Variants in PARD3B observed in about 807,000 individuals in gnomAD.
PARD3B encodes partitioning defective 3 homolog B.
Under a neutral mutation model 130.2 loss-of-function variants are expected in PARD3B, and 103 were observed. The ratio of observed to expected loss-of-function variants is 0.79; its 90% CI spans 0.67 to 0.93. The LOEUF is 0.93. PARD3B is among the 40% of genes least tolerant of loss of function. The pLI, the probability that PARD3B is intolerant of heterozygous loss-of-function variation, is 0.00. For missense variants in PARD3B, 1,609 were observed against 1,499.2 expected (o/e 1.07, Z -1.21); for synonymous variants, 583 against 553.2 (o/e 1.05, Z -0.76).
At position 205,432,915 on chromosome 2, in the gene PARD3B, A is replaced by G. The variant is rs1041345229; in HGVS notation, c.2742-7455A>G. ...CCAGCCTTTGATGTTGACAATACAA[A>G]TCATTCTTATTGATTCATAAATACC... On this transcript the variant is annotated intron_variant, in intron 19 of 22. Coordinates refer to ENST00000406610, the MANE Select transcript of PARD3B (RefSeq NM_001302769.2). Among the ~76,000 whole-genome samples, 3 of 152,306 alleles carry G rather than the reference A, an allele frequency of 2.0e-5. No individual in the cohort carries two copies. The East Asian group carries it at 5.8e-4, about 29-fold the overall frequency.
chr2:205,050,265 A>G (rs930642560), intron 4 of PARD3B, among the ~76,000 whole-genome samples: 4 of 151,446 alleles, frequency 2.6e-5, no homozygotes, highest in African/African-American at 9.7e-5. Context: ...CCCAAAGAGC[A>G]TCTACCAGGG....
intron 1 of PARD3B, among the ~76,000 whole-genome samples, chr2:204,631,597 G>A (rs1193770659): frequency 6.6e-6 from 1 of 152,140 alleles, no homozygotes; most frequent in Non-Finnish European, 1.5e-5. Flanking sequence ...TAATTGAGGC[G>A]TTTAGCCCAT....
intron 3 of PARD3B, among the ~76,000 whole-genome samples, chr2:204,996,571 G>GAGGC (rs1262773360): frequency 2.6e-5 from 4 of 151,682 alleles, no homozygotes; most frequent in Non-Finnish European, 4.4e-5. Flanking sequence ...GGAGCCTACA[G>GAGGC]AGGCAGGCAG....
rs1440912081 is a variant in PARD3B, at chr2:205,160,977, A to G, written c.1620+2070A>G. On this transcript the variant is annotated intron_variant, in intron 11 of 22. Coordinates refer to ENST00000406610, the MANE Select transcript of PARD3B (RefSeq NM_001302769.2). The surrounding 1 kb of genome is among the most constrained non-coding windows in gnomAD (Gnocchi z 4.0). ...GCCTGTTCGCCTGGAGGTGTCTTGT[A>G]TGGTGCTATCATCCTTAGCCAAGCC... Among the ~76,000 whole-genome samples, 3 of 152,120 alleles carry G rather than the reference A, an allele frequency of 2.0e-5. No individual in the cohort carries two copies. The highest frequency in any genetic ancestry group is 4.4e-5 in the Non-Finnish European group (3 of 68,010).
intron 2 of PARD3B, among the ~76,000 whole-genome samples, chr2:204,819,269 CTG>C (rs2125540672): frequency 6.6e-6 from 1 of 152,298 alleles, no homozygotes; most frequent in Admixed American, 6.5e-5. Flanking sequence ...ACATGTCACT[CTG>C]TGTAACATTT....
At chr2:205,264,276 G>A (rs2040421204) in intron 16 of PARD3B, among the ~76,000 whole-genome samples, 1 of 151,076 alleles carries the variant, frequency 6.6e-6, no homozygotes, top group Non-Finnish European at 1.5e-5. Flanking sequence ...ATTAAATTAA[G>A]TAATAATTCT....
Position 205,125,750 on chromosome 2 carries a change from T to G in PARD3B, c.1434+13T>G, listed in dbSNP as rs191439640. On this transcript the variant is annotated intron_variant, in intron 10 of 22. Transcript: ENST00000406610. The surrounding 1 kb of genome is among the most constrained non-coding windows in gnomAD (Gnocchi z 4.0). ...GCCCCGAGAGTTGGTAATGTTCAGA[T>G]CTCAGTCTCACTGAATTTTTAATGC... 573 of 1,613,318 alleles carry G rather than the reference T, an allele frequency of 3.6e-4. 3 individuals are homozygous for G. In the African/African-American group the frequency reaches 6.8e-3, roughly 19 times the overall value.
At chr2:205,155,997 G>A (rs992619404) in intron 10 of PARD3B, among the ~76,000 whole-genome samples, 1 of 152,024 alleles carries the variant, frequency 6.6e-6, no homozygotes, top group African/African-American at 2.4e-5. Flanking sequence ...CAATAGCAAA[G>A]ACTTGGAACC....
chr2:204,787,367 A>G (rs987765238), intron 2 of PARD3B, among the ~76,000 whole-genome samples: 2 of 152,074 alleles, frequency 1.3e-5, no homozygotes, highest in Admixed American at 1.3e-4. Flanking sequence ...ACATATCATC[A>G]GGTGTGAAGG....
At chr2:204,920,392 TA>T (rs2047627578) in intron 2 of PARD3B, among the ~76,000 whole-genome samples, 1 of 152,206 alleles carries the variant, frequency 6.6e-6, no homozygotes, top group Admixed American at 6.5e-5. Flanking sequence ...CCAAGGGCAT[TA>T]TGATGTGTCC....
intron 2 of PARD3B, among the ~76,000 whole-genome samples, chr2:204,897,835 C>T (rs1004414009): frequency 3.3e-5 from 5 of 151,044 alleles, no homozygotes; most frequent in African/African-American, 1.2e-4. Context: ...CAAGCAGCAA[C>T]TGTGAGCAGA....
chr2:205,111,382 AC>A (rs1297581845), intron 5 of PARD3B, among the ~76,000 whole-genome samples: 1 of 152,026 alleles, frequency 6.6e-6, no homozygotes, highest in Non-Finnish European at 1.5e-5. Context: ...ATAGAACTCA[AC>A]TTTTAAAATT....
intron 21 of PARD3B, among the ~76,000 whole-genome samples, chr2:205,535,798 A>G (rs10932117): frequency 0.94 from 142,563 of 152,242 alleles, 67,436 homozygotes; most frequent in East Asian, 1. Flanking sequence ...CCATTGTGAG[A>G]ATCCCTGATT....
chr2:204,704,873 CATT>C (rs2038062019), intron 2 of PARD3B, among the ~76,000 whole-genome samples: 1 of 150,842 alleles, frequency 6.6e-6, no homozygotes, highest in Non-Finnish European at 1.5e-5. Context: ...ACTGTCAAAA[CATT>C]ATAAAATTTT....
intron 20 of PARD3B, among the ~76,000 whole-genome samples, chr2:205,488,228 G>A (rs1272852190): frequency 6.6e-6 from 1 of 151,812 alleles, no homozygotes; most frequent in Non-Finnish European, 1.5e-5. Context: ...TGGCACCAGG[G>A]ACTGGTTTCC....
At chr2:205,599,764 A>G (rs73062218) in intron 22 of PARD3B, among the ~76,000 whole-genome samples, 3,752 of 152,284 alleles carry the variant, frequency 0.025, 143 homozygotes, top group African/African-American at 0.084. Flanking sequence ...TTGGTTCTGT[A>G]GGGAGGAATC....
intron 22 of PARD3B, among the ~76,000 whole-genome samples, chr2:205,559,877 G>A (rs985228636): frequency 1.3e-5 from 2 of 152,124 alleles, no homozygotes; most frequent in Non-Finnish European, 2.9e-5. Context: ...AGGATTACAG[G>A]CGTGAGCCAC....
chr2:204,889,061 C>G (rs1423319982), intron 2 of PARD3B, among the ~76,000 whole-genome samples: 1 of 152,132 alleles, frequency 6.6e-6, no homozygotes, highest in African/African-American at 2.4e-5. Flanking sequence ...GAGCTCAATG[C>G]CTTATGCTTC....
intron 2 of PARD3B, among the ~76,000 whole-genome samples, chr2:204,780,415 G>T (rs1017341183): frequency 6.6e-6 from 1 of 152,120 alleles, no homozygotes; most frequent in African/African-American, 2.4e-5. Context: ...CATCTAGAAA[G>T]AAAGGAAAGC....
Sources: allele counts gnomAD v4.1 joint callset (sites outside exome capture counted in the v4.1 genomes callset), GRCh38; gene constraint gnomAD v4.1.1; non-coding constraint Gnocchi (gnomAD v3.1); transcripts MANE v1.5; gene names NCBI Gene and HGNC (gene_info 2026-07-23, HGNC 2026-07-21).